Variants in VAT1 observed in about 807,000 individuals in gnomAD.
VAT1 encodes the protein vesicle amine transport 1, also known as NADPH-dependent quinone oxidoreductase VAT1.
In VAT1, 24 loss-of-function variants were observed where a neutral mutation model predicts 33.3. The ratio of observed to expected loss-of-function variants is 0.72; its 90% CI spans 0.52 to 1.01. The LOEUF is 1.01. VAT1 is among the 50% of genes least tolerant of loss of function. The pLI is 0.00. For synonymous variants in VAT1, 212 were observed against 225.0 expected (o/e 0.94, Z 0.52); for missense variants, 436 against 533.7 (o/e 0.82, Z 1.80).
In VAT1 at chr17:43,018,216, G is replaced by C. The variant is rs757844767; in HGVS notation, c.596-10C>G. The stretch of plus-strand genomic sequence containing the variant: ...GCCATACCCACACCCCCTGCAGCAA[G>C]ACACCCATAAGCAGGGGATATGGAG... On this transcript the variant is annotated splice_polypyrimidine_tract_variant and intron_variant, in intron 2 of 5. Transcript: ENST00000355653. 6.2e-7 allele frequency: 1 copy of C among 1,602,808 alleles called. No homozygotes were observed. The highest frequency in any genetic ancestry group is 2.2e-5 in the East Asian group (1 of 44,602).
At chr17:43,020,279 C>T (rs1283426065) in intron 1 of VAT1, 8 of 985,246 alleles carry the variant, frequency 8.1e-6, no homozygotes, top group Non-Finnish European at 9.6e-6. Flanking sequence ...CAGATTCTTG[C>T]CCTGGACAGG....
rs886824642 is a variant in VAT1, at chr17:43,015,984, G to C, written c.*77C>G. ...AGAGCATTATGACAGAGGCTGAAATGCAAGTCTGGTGGCCAACAGAACGTA... is the reference window on the plus strand; with the variant it reads ...AGAGCATTATGACAGAGGCTGAAATCCAAGTCTGGTGGCCAACAGAACGTA... On this transcript the variant is annotated 3_prime_UTR_variant, in exon 6 of 6. Coordinates refer to ENST00000355653, the MANE Select transcript of VAT1 (RefSeq NM_006373.4). 1 of 1,516,768 alleles carries C rather than the reference G, an allele frequency of 6.6e-7. No individual in the cohort carries two copies. The highest frequency in any genetic ancestry group is 9.1e-7 in the Non-Finnish European group (1 of 1,097,944). 94.0% of individuals were successfully genotyped at this position (1,516,768 alleles called of 1,614,324 possible). A position where few individuals can be genotyped will look rare whatever the true frequency, so the allele number is the denominator to read the frequency against.
chr17:43,020,367 A>G, intron 1 of VAT1: 1 of 846,358 alleles, frequency 1.2e-6, no homozygotes, highest in Non-Finnish European at 1.4e-6. Context: ...ATGAACTACA[A>G]CTACCTCCCG....
chr17:43,015,949 G>T lies in VAT1; in HGVS notation c.*112C>A. On this transcript the variant is annotated 3_prime_UTR_variant, in exon 6 of 6. Transcript: ENST00000355653. The stretch of plus-strand genomic sequence containing the variant: ...GTCATCACCACAGAGACCTTCGGGG[G>T]AGGGAGGGCAGAGCATTATGACAGA... The T allele has an allele frequency of 8.1e-7, 1 of 1,232,860 alleles. No homozygotes were observed. The highest frequency in any genetic ancestry group is 2.3e-5 in the East Asian group (1 of 43,132). The allele number at this position is 1,232,860 out of a possible 1,614,324, so 76.4% of individuals were successfully genotyped here.
rs779319761 is a variant in VAT1, at chr17:43,016,066, TCTC to T, written c.1174_1176del (p.Glu392del). The T allele has an allele frequency of 6.0e-5, 97 of 1,614,124 alleles. No individual in the cohort carries two copies. In the East Asian group the frequency reaches 1.8e-3, roughly 30 times the overall value. On this transcript the variant is annotated inframe_deletion, in exon 6 of 6. Coordinates refer to ENST00000355653, the MANE Select transcript of VAT1 (RefSeq NM_006373.4). Reference sequence around the variant, plus strand: ...GGGTCTCACAGCCACTTGCCCTAGTTCTCCTTCTCTGGCCCTGGAACCAGGAGG... The same window carrying T: ...GGGTCTCACAGCCACTTGCCCTAGTTCTTCTCTGGCCCTGGAACCAGGAGG...
intron 1 of VAT1, among the ~76,000 whole-genome samples, chr17:43,019,949 G>C (rs1170738084): frequency 1.3e-5 from 2 of 152,126 alleles, no homozygotes; most frequent in South Asian, 2.1e-4. Context: ...CTGAATACGA[G>C]AACTGAGGGC....
At chr17:43,019,955 AG>A (rs1271997661) in intron 1 of VAT1, among the ~76,000 whole-genome samples, 3 of 152,102 alleles carry the variant, frequency 2.0e-5, no homozygotes, top group Non-Finnish European at 4.4e-5. Context: ...ACGAGAACTG[AG>A]GGCATGCTGG....
At chr17:43,020,995 G>A (rs551160076) in intron 1 of VAT1, among the ~76,000 whole-genome samples, 2 of 152,248 alleles carry the variant, frequency 1.3e-5, no homozygotes, top group South Asian at 4.2e-4. Flanking sequence ...TGGTGTCCAG[G>A]GTTGTGGCCA....
rs956331619 is a variant in VAT1, at chr17:43,020,347, C to CA, written c.388-1549dup. 1.4e-5 allele frequency: 13 copies of CA among 960,332 alleles called. No homozygotes were observed. The African/African-American group carries it at 2.3e-4, about 17-fold the overall frequency. The allele number at this position is 960,332 out of a possible 1,614,324, so 59.5% of individuals were successfully genotyped here. On this transcript the variant is annotated intron_variant, in intron 1 of 5. Coordinates refer to ENST00000355653, the MANE Select transcript of VAT1 (RefSeq NM_006373.4). ...GAGGGGAGGTGAGGTGGGTGGCCTT[C>CA]AGCAGTAACATGAACTACAACTACC...
chr17:43,019,903 AC>A (rs1005203764), intron 1 of VAT1, among the ~76,000 whole-genome samples: 1 of 152,110 alleles, frequency 6.6e-6, no homozygotes. Flanking sequence ...ACTGCCACTT[AC>A]GCCCTTTTTC....
intron 4 of VAT1, 66 bp from the exon 5 acceptor site, chr17:43,016,614 C>T: frequency 6.3e-7 from 1 of 1,579,676 alleles, no homozygotes; most frequent in East Asian, 2.3e-5. Flanking sequence ...TGCATCTGTG[C>T]TCTCTGTTCC....
rs2151971241 is a variant in VAT1, at chr17:43,018,806, G to A, written c.388-7C>T. ...CCATCACCCGGTCTCCTGCCTTGAA[G>A]AACAGAAGAGTATCATTCAGTCACT... On this transcript the variant is annotated splice_polypyrimidine_tract_variant and splice_region_variant and intron_variant, in intron 1 of 5. Transcript: ENST00000355653. 1 of 1,614,138 alleles carries A rather than the reference G, an allele frequency of 6.2e-7. No homozygotes were observed. Among genetic ancestry groups the A allele is most frequent in the Non-Finnish European group, 8.5e-7 (1 of 1,180,028 alleles).
In VAT1 at chr17:43,022,379, G is replaced by A; in HGVS notation, c.-57C>T. ...GATGGAGAGTGCACAGCTGGGGAAG[G>A]CGGAACGCGTCGGGAAGAGCCGCGG... On this transcript the variant is annotated 5_prime_UTR_variant, in exon 1 of 6. Coordinates refer to ENST00000355653, the MANE Select transcript of VAT1 (RefSeq NM_006373.4). The A allele has an allele frequency of 3.4e-6, 5 of 1,458,100 alleles. No homozygotes were observed. Among genetic ancestry groups the A allele is most frequent in the Non-Finnish European group, 4.5e-6 (5 of 1,108,604 alleles). 90.3% of individuals were successfully genotyped at this position (1,458,100 alleles called of 1,614,324 possible).
chr17:43,016,661 G>A, intron 4 of VAT1, 113 bp from the exon 5 acceptor site: 12 of 1,452,474 alleles, frequency 8.3e-6, no homozygotes, highest in African/African-American at 1.4e-5. Context: ...CCAGTGCCAG[G>A]GAGTGATTGG....
chr17:43,021,449 A>T (rs1359813118), intron 1 of VAT1, among the ~76,000 whole-genome samples: 1 of 152,100 alleles, frequency 6.6e-6, no homozygotes, highest in Non-Finnish European at 1.5e-5. Flanking sequence ...GCTGCATGTG[A>T]CCAGGACTCT....
chr17:43,021,346 G>T (rs1204491205), intron 1 of VAT1, among the ~76,000 whole-genome samples: 1 of 152,166 alleles, frequency 6.6e-6, no homozygotes, highest in Admixed American at 6.5e-5. Flanking sequence ...TGGCGGTGGG[G>T]TAGCAAAGGC....
At chr17:43,019,736 C>T (rs1043351564) in intron 1 of VAT1, among the ~76,000 whole-genome samples, 9 of 152,120 alleles carry the variant, frequency 5.9e-5, no homozygotes, top group Admixed American at 2.0e-4. Flanking sequence ...AAGGAGGGAG[C>T]GTCAGGAGAA....
chr17:43,022,175 A>C lies in VAT1; in HGVS notation c.148T>G (p.Cys50Gly). The C allele has an allele frequency of 6.4e-7, 1 of 1,558,868 alleles. No individual in the cohort carries two copies. The highest frequency in any genetic ancestry group is 1.2e-5 in the South Asian group (1 of 86,004). Reference protein sequence around the residue: ...AAAASPPLLRCLVLTGFGGYD... With the variant: ...AAAASPPLLRGLVLTGFGGYD... ...CCTCCAAAGCCGGTGAGCACTAGGC[A>C]GCGCAGCAGTGGCGGCGAGGCGGCG... Residue 50 changes from cysteine (C) to glycine (G), a missense_variant, in exon 1 of 6, where the codon TGC becomes GGC. This residue lies in a region of VAT1 where 154 missense variants were observed against 128.3 expected (regional missense o/e 1.20). Transcript: ENST00000355653.
chr17:43,016,979 A>C (rs915260950), intron 4 of VAT1, among the ~76,000 whole-genome samples: 1 of 148,784 alleles, frequency 6.7e-6, no homozygotes, highest in Non-Finnish European at 1.5e-5. Flanking sequence ...AGCGTGACCA[A>C]CATGGAGAAA....
Sources: gnomAD v4.1 joint callset for allele counts (sites outside exome capture counted in the v4.1 genomes callset) on GRCh38, gnomAD v4.1.1 for gene constraint, gnomAD v4.1.1 regional missense constraint, MANE v1.5 for transcripts, NCBI Gene and HGNC (gene_info 2026-07-23, HGNC 2026-07-21) for gene names.